LIMA1: variants seen among roughly 807,000 people sequenced by gnomAD.
The protein encoded by LIMA1 is LIM domain and actin-binding protein 1.
In LIMA1, 52 loss-of-function variants were observed where a neutral mutation model predicts 62.6. The ratio of observed to expected loss-of-function variants is 0.83; its 90% CI spans 0.67 to 1.05. The LOEUF (loss-of-function observed/expected upper bound fraction) is 1.05. Ranked by LOEUF, LIMA1 falls within the 50% of genes least tolerant of loss-of-function variation. The probability of loss-of-function intolerance (pLI) is 0.00; values close to 1 mark genes in which losing one functional copy is unlikely to be tolerated. For synonymous variants in LIMA1, 302 were observed against 317.8 expected (o/e 0.95, Z 0.53); for missense variants, 780 against 902.2 (o/e 0.86, Z 1.74).
At chr12:50,280,460 G>A (rs1444085110) in intron 1 of LIMA1, among the ~76,000 whole-genome samples, 1 of 152,022 alleles carries the variant, frequency 6.6e-6, no homozygotes, top group Non-Finnish European at 1.5e-5. Flanking sequence ...GCCCGGCCCA[G>A]GGTAGTAGTA....
In LIMA1 at chr12:50,200,817, G is replaced by A. The variant is rs760461741; in HGVS notation, c.932C>T (p.Pro311Leu). Residue 311 changes from proline to leucine, a missense_variant, in exon 7 of 11, where the codon CCA becomes CTA. Coordinates refer to ENST00000341247, the MANE Select transcript of LIMA1 (RefSeq NM_016357.5). Reference protein sequence around the residue: ...HKMEQKENVPPGPEVCITHQE... With the variant: ...HKMEQKENVPLGPEVCITHQE... ...ATGGGTGATGCAGACCTCAGGACCT[G>A]GGGGCACATTCTCCTTTTGCTCCAT... 1 of 1,613,992 alleles carries A rather than the reference G, an allele frequency of 6.2e-7. No homozygotes were observed. Among genetic ancestry groups the A allele is most frequent in the South Asian group, 1.1e-5 (1 of 91,072 alleles).
At chr12:50,225,936 A>G (rs1360522615) in intron 3 of LIMA1, among the ~76,000 whole-genome samples, 2 of 152,218 alleles carry the variant, frequency 1.3e-5, no homozygotes, top group African/African-American at 4.8e-5. Context: ...TTATTTGCCA[A>G]CTGTTTAGAT....
chr12:50,200,495 C>T (rs1228790860), intron 7 of LIMA1, among the ~76,000 whole-genome samples: 1 of 152,216 alleles, frequency 6.6e-6, no homozygotes, highest in Non-Finnish European at 1.5e-5. Context: ...GCCACTGTGC[C>T]CAGCCTCCAA....
chr12:50,243,019 T>C (rs1433690499), intron 2 of LIMA1, among the ~76,000 whole-genome samples: 3 of 152,216 alleles, frequency 2.0e-5, no homozygotes, highest in African/African-American at 7.2e-5. Context: ...TGAAGGATCA[T>C]ATTATGCTGA....
intron 1 of LIMA1, among the ~76,000 whole-genome samples, chr12:50,264,836 T>G (rs888680212): frequency 2.0e-5 from 3 of 152,088 alleles, no homozygotes; most frequent in African/African-American, 7.2e-5. Flanking sequence ...TTAACAAGGT[T>G]TAGATCAATA....
At position 50,273,234 on chromosome 12, in the gene LIMA1, C is replaced by T. The variant is rs191351304; in HGVS notation, c.-24+10186G>A. 2.9e-3 allele frequency among the ~76,000 whole-genome samples: 447 copies of T among 152,022 alleles called. 8 individuals carry two copies. Among genetic ancestry groups the T allele is most frequent in the Non-Finnish European group, 9.7e-4 (66 of 67,994 alleles). On this transcript the variant is annotated intron_variant, in intron 1 of 10. Coordinates refer to ENST00000341247, the MANE Select transcript of LIMA1 (RefSeq NM_016357.5). ...CCTCCTAAAGTGCTGGGATTACAGGCGTGAGCCACCACACCTGGCCTGGTT... is the reference window on the plus strand; with the variant it reads ...CCTCCTAAAGTGCTGGGATTACAGGTGTGAGCCACCACACCTGGCCTGGTT...
chr12:50,250,715 A>G lies in LIMA1; in HGVS notation c.-23-1941T>C, dbSNP rs182312704. On this transcript the variant is annotated intron_variant, in intron 1 of 10. Transcript: ENST00000341247. ...AATACTAGTTTTGTTAATATGTTTTAATCCTCATGTTGGAAGGCATAGTAT... is the reference window on the plus strand; with the variant it reads ...AATACTAGTTTTGTTAATATGTTTTGATCCTCATGTTGGAAGGCATAGTAT... 2.3e-4 allele frequency among the ~76,000 whole-genome samples: 35 copies of G among 152,296 alleles called. No homozygotes were observed. In the East Asian group the frequency reaches 2.9e-3, roughly 13 times the overall value.
In LIMA1 at chr12:50,177,857, G is replaced by T. The variant is rs779652405; in HGVS notation, c.1487C>A (p.Ala496Asp). The T allele has an allele frequency of 6.2e-7, 1 of 1,613,116 alleles. No homozygotes were observed. The highest frequency in any genetic ancestry group is 8.5e-7 in the Non-Finnish European group (1 of 1,179,548). Residue 496 changes from alanine to aspartate, a missense_variant, in exon 11 of 11, where the codon GCC (alanine) becomes GAC (aspartate). By Grantham distance (126) the Ala-to-Asp change is moderately radical (BLOSUM62 -2). Transcript: ENST00000341247. The stretch of plus-strand genomic sequence containing the variant: ...CAGGACACCCACCTTAGCAATAGGG[G>T]CATCTTCTACCCCTGGGCTGTGAGG... ...ETPHSPGVED[A>D]PIAKVGVLAA...
intron 1 of LIMA1, among the ~76,000 whole-genome samples, chr12:50,255,839 AC>A (rs1261406020): frequency 6.6e-6 from 1 of 152,118 alleles, no homozygotes; most frequent in Non-Finnish European, 1.5e-5. Context: ...ATATTTCTGT[AC>A]AAAAATAGTG....
chr12:50,281,691 T>C (rs1311890512), intron 1 of LIMA1, among the ~76,000 whole-genome samples: 1 of 152,164 alleles, frequency 6.6e-6, no homozygotes, highest in Non-Finnish European at 1.5e-5. Flanking sequence ...CCATTTTCCA[T>C]AGGCCATAGA....
At chr12:50,212,127 GTA>G (rs2138516724) in intron 4 of LIMA1, among the ~76,000 whole-genome samples, 1 of 152,242 alleles carries the variant, frequency 6.6e-6, no homozygotes, top group South Asian at 2.1e-4. Context: ...ATTTTTTTCT[GTA>G]TTTTTTAAAA....
At position 50,231,660 on chromosome 12, in the gene LIMA1, C is replaced by T. The variant is rs1941612766; in HGVS notation, c.165+5G>A. On this transcript the variant is annotated splice_donor_5th_base_variant and intron_variant, in intron 3 of 10. Transcript: ENST00000341247. ...CCACATGCCCTGGAATTTCTGAATA[C>T]TTACACTTCTCTTCTTCTCCATGTT... The T allele has an allele frequency of 6.2e-7, 1 of 1,613,832 alleles. No individual in the cohort carries two copies. Among genetic ancestry groups the T allele is most frequent in the African/African-American group, 1.3e-5 (1 of 74,946 alleles).
rs924118159 is a variant in LIMA1 at position 50,238,171 on chromosome 12, C to T, written c.120-6461G>A. ...TTATTGGAATACAACACCAAAAGCA[C>T]AGGCACAAAAGAAAAAACAAACTAG... is the stretch of plus-strand genomic sequence containing the variant. On this transcript the variant is annotated intron_variant, in intron 2 of 10. Coordinates refer to ENST00000341247, the MANE Select transcript of LIMA1 (RefSeq NM_016357.5). Among the ~76,000 whole-genome samples the T allele has an allele frequency of 2.6e-5, 4 of 152,008 alleles. No homozygotes were observed. The East Asian group carries it at 7.7e-4, about 29-fold the overall frequency.
At chr12:50,244,399 A>G (rs1941819564) in intron 2 of LIMA1, among the ~76,000 whole-genome samples, 2 of 152,080 alleles carry the variant, frequency 1.3e-5, no homozygotes, top group South Asian at 4.1e-4. Context: ...CATTGCGCCC[A>G]GCCATTTTTT....
At chr12:50,274,075 G>A (rs1456496298) in intron 1 of LIMA1, among the ~76,000 whole-genome samples, 2 of 152,012 alleles carry the variant, frequency 1.3e-5, no homozygotes, top group Admixed American at 1.3e-4. Context: ...GCTACCTTCC[G>A]AACTCCTCAG....
At chr12:50,209,774 T>A (rs564543064) in intron 4 of LIMA1, among the ~76,000 whole-genome samples, 21 of 152,128 alleles carry the variant, frequency 1.4e-4, no homozygotes, top group Non-Finnish European at 2.9e-4. Context: ...CACACAATTC[T>A]CCTGTCTCAG....
At chr12:50,216,007 C>T (rs1278828969) in intron 4 of LIMA1, among the ~76,000 whole-genome samples, 1 of 150,784 alleles carries the variant, frequency 6.6e-6, no homozygotes, top group Non-Finnish European at 1.5e-5. Context: ...GGTGCCACTG[C>T]ACTCCAGCCT....
At chr12:50,230,723 C>CT (rs1565850764) in intron 3 of LIMA1, among the ~76,000 whole-genome samples, 62 of 151,950 alleles carry the variant, frequency 4.1e-4, no homozygotes, top group African/African-American at 1.5e-3. Context: ...ACTACAGGCG[C>CT]CCGCCACCAC....
chr12:50,263,898 A>AGTGT (rs1942107717), intron 1 of LIMA1, among the ~76,000 whole-genome samples: 1 of 86,974 alleles, frequency 1.1e-5, no homozygotes, highest in Non-Finnish European at 2.2e-5. Flanking sequence ...ATATATATAA[A>AGTGT]GTATGTATAT....
Sources: gnomAD v4.1 joint callset for allele counts (sites outside exome capture counted in the v4.1 genomes callset) on GRCh38, gnomAD v4.1.1 for gene constraint, MANE v1.5 for transcripts, NCBI Gene and HGNC (gene_info 2026-07-23, HGNC 2026-07-21) for gene names.